The following FOXP2 variants were observed in gnomAD, a reference collection of about 807,000 sequenced individuals.
FOXP2 encodes the protein forkhead box P2, also known as forkhead box protein P2.
A neutral mutation model predicts 115.8 loss-of-function variants in FOXP2; 12 were observed. The ratio of observed to expected loss-of-function variants is 0.10; its 90% CI spans 0.07 to 0.17. The LOEUF is 0.17. Among genes scored for constraint, FOXP2 ranks in the 10% least tolerant of loss-of-function variants. FOXP2 has a pLI of 1.00. For missense variants in FOXP2, 629 were observed against 843.5 expected (o/e 0.75, Z 3.15); for synonymous variants, 328 against 297.7 (o/e 1.10, Z -1.05).
At chr7:114,237,455 GT>G (rs1795039783) in intron 1 of FOXP2, among the ~76,000 whole-genome samples, 1 of 152,156 alleles carries the variant, frequency 6.6e-6, no homozygotes, top group Admixed American at 6.5e-5. Flanking sequence ...TGCCATGCAA[GT>G]AATTGCCATG....
At chr7:114,187,768 CTGAG>C (rs377222649) in intron 1 of FOXP2, among the ~76,000 whole-genome samples, 151 of 152,250 alleles carry the variant, frequency 9.9e-4, no homozygotes, top group Middle Eastern at 3.4e-3. Context: ...ATATCACAGA[CTGAG>C]TAATTTATAA....
rs911168426 is a variant in FOXP2, at chr7:114,174,769, G to A, written c.-102+11681G>A. ...GGTTTTACTAAATAGCAAGGCACCAGTTTCCTGAGAAGGTTTGTACAGCTG... is the reference window on the plus strand; with the variant it reads ...GGTTTTACTAAATAGCAAGGCACCAATTTCCTGAGAAGGTTTGTACAGCTG... On this transcript the variant is annotated intron_variant, in intron 1 of 17. Coordinates refer to the FOXP2 transcript ENST00000634411. Among the ~76,000 whole-genome samples, 98 of 152,216 alleles carry A rather than the reference G, an allele frequency of 6.4e-4. 1 individual carries two copies. The highest frequency in any genetic ancestry group is 2.3e-3 in the African/African-American group (95 of 41,582).
intron 2 of FOXP2, among the ~76,000 whole-genome samples, chr7:114,431,540 A>G (rs1348879596): frequency 1.3e-5 from 2 of 151,976 alleles, no homozygotes; most frequent in African/African-American, 2.4e-5. Flanking sequence ...TTTAGATAGT[A>G]ACGGCTGGAA....
At chr7:114,586,046 C>T (rs1802114859) in intron 3 of FOXP2, among the ~76,000 whole-genome samples, 1 of 151,912 alleles carries the variant, frequency 6.6e-6, no homozygotes, top group Non-Finnish European at 1.5e-5. Flanking sequence ...AAACTGTCTG[C>T]ACAAACCAAT....
intron 16 of FOXP2, among the ~76,000 whole-genome samples, chr7:114,678,207 G>A (rs1423989662): frequency 1.3e-5 from 2 of 152,136 alleles, no homozygotes; most frequent in Non-Finnish European, 2.9e-5. Context: ...TTTCAACCTA[G>A]TATTGAGCAG....
chr7:114,337,024 G>A (rs777953990), intron 2 of FOXP2, among the ~76,000 whole-genome samples: 9 of 151,482 alleles, frequency 5.9e-5, no homozygotes, highest in East Asian at 1.9e-4. Context: ...GCATAAAAGC[G>A]TTTCTATGGC....
intron 1 of FOXP2, among the ~76,000 whole-genome samples, chr7:114,167,692 T>G (rs762036268): frequency 3.3e-5 from 5 of 152,030 alleles, no homozygotes; most frequent in Non-Finnish European, 7.4e-5. Flanking sequence ...ATCCTAGCAC[T>G]TTGAGAGGCT....
At chr7:114,522,936 T>C (rs1478178375) in intron 2 of FOXP2, among the ~76,000 whole-genome samples, 2 of 151,878 alleles carry the variant, frequency 1.3e-5, no homozygotes, top group East Asian at 3.8e-4. Context: ...GCTTCATACT[T>C]TACCTTACAA....
rs1216032333 is a variant in FOXP2, at chr7:114,278,006, G to A, written c.-101-10013G>A. Among the ~76,000 whole-genome samples, 13 of 136,086 alleles carry A rather than the reference G, an allele frequency of 9.6e-5. No individual in the cohort carries two copies. The South Asian group carries it at 2.6e-3, about 27-fold the overall frequency. 89.3% of individuals were successfully genotyped at this position (136,086 alleles called of 152,430 possible). On this transcript the variant is annotated intron_variant, in intron 1 of 17. Transcript: ENST00000634411. ...CGTGTCACTGCCCTCTAGCCTGGGC[G>A]AAAGAGTGAGACCTTGTCTAAAAAA...
intron 3 of FOXP2, among the ~76,000 whole-genome samples, chr7:114,594,847 G>A (rs1802613269): frequency 6.6e-6 from 1 of 152,048 alleles, no homozygotes; most frequent in Admixed American, 6.6e-5. Flanking sequence ...AATCTTCAAT[G>A]TAGGTACCTG....
intron 2 of FOXP2, among the ~76,000 whole-genome samples, chr7:114,309,275 C>A (rs978425792): frequency 2.0e-5 from 3 of 152,170 alleles, no homozygotes; most frequent in Non-Finnish European, 4.4e-5. Flanking sequence ...GAAACTGAAG[C>A]TCAGGAAACT....
intron 2 of FOXP2, among the ~76,000 whole-genome samples, chr7:114,355,348 G>C (rs2129186574): frequency 6.6e-6 from 1 of 152,236 alleles, no homozygotes; most frequent in Non-Finnish European, 1.5e-5. Flanking sequence ...GGAGACTGGA[G>C]CTACTTTGGG....
chr7:114,173,500 A>T (rs1235197289), intron 1 of FOXP2, among the ~76,000 whole-genome samples: 1 of 151,826 alleles, frequency 6.6e-6, no homozygotes, highest in Non-Finnish European at 1.5e-5. Flanking sequence ...GGAATTTATT[A>T]TTCATAAAAA....
At chr7:114,341,960 T>A (rs535675667) in intron 2 of FOXP2, among the ~76,000 whole-genome samples, 1 of 151,372 alleles carries the variant, frequency 6.6e-6, no homozygotes, top group African/African-American at 2.4e-5. Flanking sequence ...AATTTAGGGT[T>A]CTATTCCTGT....
intron 10 of FOXP2, among the ~76,000 whole-genome samples, chr7:114,654,941 T>C (rs1162430818): frequency 1.3e-5 from 2 of 152,134 alleles, no homozygotes; most frequent in African/African-American, 4.8e-5. Context: ...ATTAATATCA[T>C]TCAAAATTTA....
At chr7:114,159,400 C>T (rs983485196), upstream of FOXP2, among the ~76,000 whole-genome samples, 3 of 151,406 alleles carry the variant, frequency 2.0e-5, no homozygotes, top group Non-Finnish European at 4.4e-5. Context: ...CTGAGAACGT[C>T]TATATAAATT....
chr7:114,232,939 C>T (rs1253988357), intron 1 of FOXP2, among the ~76,000 whole-genome samples: 1 of 152,058 alleles, frequency 6.6e-6, no homozygotes, highest in African/African-American at 2.4e-5. Context: ...CTGCTTGATT[C>T]CTCTTATATG....
intron 1 of FOXP2, among the ~76,000 whole-genome samples, chr7:114,212,075 T>TAAATA (rs10607299): frequency 0.029 from 3,958 of 134,570 alleles, 176 homozygotes; most frequent in African/African-American, 0.091. Context: ...GTTTCAAAAA[T>TAAATA]AAATAAAATA....
At position 114,628,688 on chromosome 7, in the gene FOXP2, T is replaced by A. The variant is rs762445247; in HGVS notation, c.396+11T>A. 1 of 1,613,728 alleles carries A rather than the reference T, an allele frequency of 6.2e-7. No individual in the cohort carries two copies. The highest frequency in any genetic ancestry group is 1.7e-5 in the Admixed American group (1 of 59,966). On this transcript the variant is annotated intron_variant, in intron 4 of 16. Coordinates refer to ENST00000350908, the MANE Select transcript of FOXP2 (RefSeq NM_014491.4). The stretch of plus-strand genomic sequence containing the variant: ...GTCATGCTGCAGCAGGTAATGTGGG[T>A]TACCTGCTTTGGTGTTCTAGCATGA...
Sources: allele counts gnomAD v4.1 joint callset (sites outside exome capture counted in the v4.1 genomes callset), GRCh38; gene constraint gnomAD v4.1.1; transcripts MANE v1.5; gene names NCBI Gene and HGNC (gene_info 2026-07-23, HGNC 2026-07-21).